The following ENTREP2 variants were observed in gnomAD, a reference collection of about 807,000 sequenced individuals.
The protein encoded by ENTREP2 is endosomal transmembrane epsin interactor 2.
the ENTREP2 span, among the ~76,000 whole-genome samples, chr15:29,651,731 C>T: frequency 1.6e-4 from 24 of 152,230 alleles, no homozygotes; most frequent in African/African-American, 3.6e-4. Flanking sequence ...GGGGCAGCAC[C>T]GACACACCAG....
chr15:29,657,211 C>G, the ENTREP2 span, among the ~76,000 whole-genome samples: 1 of 148,496 alleles, frequency 6.7e-6, no homozygotes, highest in Admixed American at 6.6e-5. Flanking sequence ...CCACGCCGCG[C>G]CAGCTTTTTT....
the ENTREP2 span, among the ~76,000 whole-genome samples, chr15:29,231,885 C>CTTTGTTTT: frequency 7.7e-6 from 1 of 129,952 alleles, no homozygotes; most frequent in Non-Finnish European, 1.6e-5. Flanking sequence ...GTTTTCTTTT[C>CTTTGTTTT]TTTTCTTTCT....
chr15:29,481,917 G>C, the ENTREP2 span, among the ~76,000 whole-genome samples: 8 of 152,222 alleles, frequency 5.3e-5, no homozygotes, highest in Non-Finnish European at 1.2e-4. Flanking sequence ...GAGCAAAAAA[G>C]GGCAGAAAGT....
chr15:29,351,946 C>T, the ENTREP2 span, among the ~76,000 whole-genome samples: 2 of 151,616 alleles, frequency 1.3e-5, no homozygotes, highest in African/African-American at 4.9e-5. Context: ...ACTAATTTTA[C>T]TTTCTGTAGA....
the ENTREP2 span, among the ~76,000 whole-genome samples, chr15:29,350,623 CAA>C: frequency 2.0e-5 from 3 of 152,102 alleles, no homozygotes; most frequent in Non-Finnish European, 4.4e-5. Context: ...AAGCTCCCAC[CAA>C]AAGTTTTGCA....
the ENTREP2 span, among the ~76,000 whole-genome samples, chr15:29,175,828 G>A: frequency 1.7e-4 from 26 of 152,292 alleles, 1 homozygote; most frequent in South Asian, 1.7e-3. Context: ...GGCTGGTCTC[G>A]AACCCCTGAC....
the ENTREP2 span, among the ~76,000 whole-genome samples, chr15:29,175,918 A>G: frequency 5.9e-5 from 9 of 152,266 alleles, no homozygotes; most frequent in African/African-American, 1.7e-4. Context: ...TCCATCTTTC[A>G]TTGCTCTACT....
chr15:29,516,767 C>A, the ENTREP2 span, among the ~76,000 whole-genome samples: 2 of 152,148 alleles, frequency 1.3e-5, no homozygotes, highest in Admixed American at 6.5e-5. Context: ...GGGCGTATAA[C>A]ATTTTTCATA....
At chr15:29,574,294 C>CTTTGTT in the ENTREP2 span, among the ~76,000 whole-genome samples, 24,634 of 151,686 alleles carry the variant, frequency 0.16, 2,843 homozygotes, top group East Asian at 0.48. Flanking sequence ...GGTTTTGTTT[C>CTTTGTT]TTTGTTTTTG....
chr15:29,486,487 T>C, the ENTREP2 span, among the ~76,000 whole-genome samples: 3 of 152,148 alleles, frequency 2.0e-5, no homozygotes, highest in Admixed American at 6.5e-5. Context: ...GGTCAGGAGT[T>C]GAAGACCAGC....
the ENTREP2 span, among the ~76,000 whole-genome samples, chr15:29,379,897 C>A: frequency 6.6e-6 from 1 of 152,272 alleles, no homozygotes; most frequent in Admixed American, 6.5e-5. Flanking sequence ...AATCTGTCTG[C>A]ACCATGAAGG....
At chr15:29,196,293 G>A in the ENTREP2 span, 1 of 880,222 alleles carries the variant, frequency 1.1e-6, no homozygotes, top group Non-Finnish European at 1.7e-6. Context: ...ATGTTCTCTG[G>A]AAAGATATTC....
the ENTREP2 span, among the ~76,000 whole-genome samples, chr15:29,453,623 T>A: frequency 6.6e-6 from 1 of 152,188 alleles, no homozygotes. Flanking sequence ...AGGAAGGAAG[T>A]GGAGAACACA....
chr15:29,424,779 G>T, the ENTREP2 span, among the ~76,000 whole-genome samples: 1 of 152,140 alleles, frequency 6.6e-6, no homozygotes, highest in Non-Finnish European at 1.5e-5. Flanking sequence ...GAGTCTTTCT[G>T]AAAGTTGTCT....
chr15:29,463,032 C>A, the ENTREP2 span, among the ~76,000 whole-genome samples: 6,638 of 152,182 alleles, frequency 0.044, 513 homozygotes, highest in African/African-American at 0.15. Context: ...GGAGGTGCCT[C>A]CAGGGGCAGG....
chr15:29,464,253 T>C, the ENTREP2 span, among the ~76,000 whole-genome samples: 1 of 132,006 alleles, frequency 7.6e-6, no homozygotes, highest in African/African-American at 3.3e-5. Flanking sequence ...AGGAATGCTA[T>C]TTTTGCACAG....
chr15:29,138,377 G>C, the ENTREP2 span, among the ~76,000 whole-genome samples: 22 of 152,342 alleles, frequency 1.4e-4, no homozygotes, highest in African/African-American at 4.8e-4. Context: ...CCTGTGGCGT[G>C]AGATGCCTGG....
chr15:29,368,369 A>G, the ENTREP2 span, among the ~76,000 whole-genome samples: 133 of 151,362 alleles, frequency 8.8e-4, no homozygotes, highest in African/African-American at 3.0e-3. Flanking sequence ...TCACATATAC[A>G]TCTCATACAC....
the ENTREP2 span, among the ~76,000 whole-genome samples, chr15:29,317,100 C>G: frequency 6.6e-6 from 1 of 152,088 alleles, no homozygotes; most frequent in South Asian, 2.1e-4. Flanking sequence ...AAGAATGAAG[C>G]CTTTTGGTTT....
Sources: gnomAD v4.1 joint callset for allele counts (sites outside exome capture counted in the v4.1 genomes callset) on GRCh38, gnomAD v4.1.1 for gene constraint, MANE v1.5 for transcripts, NCBI Gene and HGNC (gene_info 2026-07-23, HGNC 2026-07-21) for gene names.